Variants in PAK1 observed in about 807,000 individuals in gnomAD.
PAK1 encodes the protein serine/threonine-protein kinase PAK 1.
PAK1 carries 29 observed loss-of-function variants against 67.4 expected under a neutral mutation model. That is an observed-to-expected ratio of 0.43 (90% CI 0.32 to 0.59). The LOEUF (loss-of-function observed/expected upper bound fraction) is 0.59. PAK1 is among the 20% of genes least tolerant of loss of function. The pLI, the probability that PAK1 is intolerant of heterozygous loss-of-function variation, is 0.07. For synonymous variants in PAK1, 223 were observed against 237.4 expected, an observed-to-expected ratio of 0.94 and a Z score of 0.56; for missense variants, 337 against 670.7, an observed-to-expected ratio of 0.50 and a Z score of 5.50.
At chr11:77,379,664 G>A (rs1949564251) in intron 3 of PAK1, among the ~76,000 whole-genome samples, 1 of 152,188 alleles carries the variant, frequency 6.6e-6, no homozygotes, top group Admixed American at 6.5e-5. Context: ...CACAGAGCCT[G>A]CTACCAAGCC....
the PAK1 span, among the ~76,000 whole-genome samples, chr11:77,489,573 G>C: frequency 6.6e-6 from 1 of 152,102 alleles, no homozygotes; most frequent in Non-Finnish European, 1.5e-5. Flanking sequence ...CTCGGCCTGC[G>C]GAGTGCCTGC....
intron 1 of PAK1, among the ~76,000 whole-genome samples, chr11:77,465,505 T>A (rs550221073): frequency 8.5e-5 from 13 of 152,290 alleles, no homozygotes; most frequent in Admixed American, 3.9e-4. Flanking sequence ...ATGGGCTTTC[T>A]CATTTTGCTC....
the PAK1 span, among the ~76,000 whole-genome samples, chr11:77,517,175 A>G: frequency 6.6e-6 from 1 of 152,120 alleles, no homozygotes; most frequent in Admixed American, 6.6e-5. Context: ...GGCTCTCTCC[A>G]CACATAGGGC....
chr11:77,463,496 T>C (rs1023924610), intron 1 of PAK1, among the ~76,000 whole-genome samples: 6 of 152,350 alleles, frequency 3.9e-5, no homozygotes, highest in Middle Eastern at 3.4e-3. Flanking sequence ...CTACCACAGA[T>C]AGCCAGAGGC....
At chr11:77,457,925 G>A (rs1484284385) in intron 1 of PAK1, among the ~76,000 whole-genome samples, 1 of 152,154 alleles carries the variant, frequency 6.6e-6, no homozygotes, top group Non-Finnish European at 1.5e-5. Flanking sequence ...CCCTTACCAA[G>A]TCCCTTCAAT....
chr11:77,497,920 T>A, the PAK1 span, among the ~76,000 whole-genome samples: 1 of 152,194 alleles, frequency 6.6e-6, no homozygotes, highest in East Asian at 1.9e-4. Flanking sequence ...GTTTCTTTTT[T>A]AAAAAACTGC....
chr11:77,511,086 T>C, the PAK1 span, among the ~76,000 whole-genome samples: 4 of 152,338 alleles, frequency 2.6e-5, no homozygotes, highest in East Asian at 7.7e-4. Context: ...CCAACCATTA[T>C]ACAGTATTTG....
At chr11:77,460,045 G>A (rs1370641226) in intron 1 of PAK1, among the ~76,000 whole-genome samples, 1 of 151,822 alleles carries the variant, frequency 6.6e-6, no homozygotes, top group Non-Finnish European at 1.5e-5. Context: ...TAGACAATGA[G>A]TATTTGTTTA....
chr11:77,357,276 G>T (rs1946161797), intron 6 of PAK1, among the ~76,000 whole-genome samples: 1 of 152,044 alleles, frequency 6.6e-6, no homozygotes, highest in Admixed American at 6.5e-5. Context: ...GCTACCTTTT[G>T]ACTGGACAGG....
rs568675851 is a variant in PAK1, at chr11:77,323,946, G to A, written c.1552-586C>T. Among the ~76,000 whole-genome samples, 9 of 152,088 alleles carry A rather than the reference G, an allele frequency of 5.9e-5. No homozygotes were observed. The South Asian group carries it at 1.5e-3, about 25-fold the overall frequency. ...ATAGATCATGACCCAGTAGTATATC[G>A]CAATACTGCATTTTAGGAGCATTGA... is the stretch of plus-strand genomic sequence containing the variant. On this transcript the variant is annotated intron_variant, in intron 14 of 14. Transcript: ENST00000356341.
chr11:77,443,285 C>G (rs1352204048), intron 1 of PAK1, among the ~76,000 whole-genome samples: 1 of 132,132 alleles, frequency 7.6e-6, no homozygotes, highest in Non-Finnish European at 1.6e-5. Context: ...AGCCTGGCAA[C>G]AGAGTGAGAC....
chr11:77,409,538 T>C (rs1351500555), intron 1 of PAK1, among the ~76,000 whole-genome samples: 1 of 151,970 alleles, frequency 6.6e-6, no homozygotes, highest in Non-Finnish European at 1.5e-5. Flanking sequence ...AAAATGAAAA[T>C]GTGTATATAC....
At chr11:77,458,669 G>C (rs1240288787) in intron 1 of PAK1, among the ~76,000 whole-genome samples, 1 of 152,160 alleles carries the variant, frequency 6.6e-6, no homozygotes, top group Non-Finnish European at 1.5e-5. Context: ...GACCTTACTG[G>C]TGAGCAGGGA....
At chr11:77,485,455 C>T in the PAK1 span, among the ~76,000 whole-genome samples, 3 of 149,434 alleles carry the variant, frequency 2.0e-5, no homozygotes, top group East Asian at 4.0e-4. Context: ...CTACTATATA[C>T]CCACAAAAAT....
the PAK1 span, among the ~76,000 whole-genome samples, chr11:77,486,438 C>T: frequency 7.9e-5 from 12 of 152,272 alleles, no homozygotes; most frequent in South Asian, 1.2e-3. Context: ...AATTGAACAA[C>T]TATTCACACA....
At chr11:77,419,683 T>A (rs1315722640) in intron 1 of PAK1, among the ~76,000 whole-genome samples, 1 of 152,208 alleles carries the variant, frequency 6.6e-6, no homozygotes, top group Non-Finnish European at 1.5e-5. Flanking sequence ...TAAAACAATA[T>A]GTGTACTAAG....
At chr11:77,361,520 G>A (rs1357704039) in intron 5 of PAK1, among the ~76,000 whole-genome samples, 3 of 152,154 alleles carry the variant, frequency 2.0e-5, no homozygotes, top group Non-Finnish European at 2.9e-5. Flanking sequence ...CCTAGAATAA[G>A]AAACCACTGG....
chr11:77,407,949 A>G (rs1953871781), intron 1 of PAK1, among the ~76,000 whole-genome samples: 1 of 152,188 alleles, frequency 6.6e-6, no homozygotes, highest in African/African-American at 2.4e-5. Context: ...TCTAGCCCCA[A>G]AAGTAGGCAG....
the PAK1 span, among the ~76,000 whole-genome samples, chr11:77,520,005 C>CA: frequency 6.6e-6 from 1 of 151,932 alleles, no homozygotes; most frequent in African/African-American, 2.4e-5. Flanking sequence ...GCCTGTGGCC[C>CA]CCCCCTCCGC....
Sources: allele counts gnomAD v4.1 joint callset (sites outside exome capture counted in the v4.1 genomes callset), GRCh38; gene constraint gnomAD v4.1.1; transcripts MANE v1.5; gene names NCBI Gene and HGNC (gene_info 2026-07-23, HGNC 2026-07-21).